PCDH15: variants seen among roughly 807,000 people sequenced by gnomAD.
PCDH15 encodes the protein protocadherin-15.
A neutral mutation model predicts 178.5 loss-of-function variants in PCDH15; 129 were observed. The observed-to-expected ratio is 0.72, with a 90% CI of 0.63 to 0.84. The LOEUF is 0.84. PCDH15 is among the 40% of genes least tolerant of loss of function. PCDH15 has a pLI of 0.00. For synonymous variants in PCDH15, 800 were observed against 732.0 expected, an observed-to-expected ratio of 1.09 and a Z score of -1.50; for missense variants, 2,230 against 2,099.9, an observed-to-expected ratio of 1.06 and a Z score of -1.21.
intron 2 of PCDH15, among the ~76,000 whole-genome samples, chr10:55,353,597 T>C (rs951628490): frequency 2.0e-5 from 3 of 152,078 alleles, no homozygotes; most frequent in Non-Finnish European, 4.4e-5. Context: ...TTAGATCTGC[T>C]TGGCCTCACA....
At chr10:54,578,784 A>G (rs943983479) in intron 2 of PCDH15, among the ~76,000 whole-genome samples, 11 of 152,142 alleles carry the variant, frequency 7.2e-5, no homozygotes, top group East Asian at 1.9e-4. Context: ...AGGGAACCCA[A>G]TCAGGCTGGC....
chr10:55,016,245 T>C (rs1840176935), intron 2 of PCDH15, among the ~76,000 whole-genome samples: 1 of 152,270 alleles, frequency 6.6e-6, no homozygotes, highest in African/African-American at 2.4e-5. Flanking sequence ...ATCTTTTCTT[T>C]GTGTTAAAAA....
intron 2 of PCDH15, among the ~76,000 whole-genome samples, chr10:54,624,009 G>T (rs937224316): frequency 6.6e-6 from 1 of 152,102 alleles, no homozygotes; most frequent in Non-Finnish European, 1.5e-5. Flanking sequence ...AAAGAACAGA[G>T]AGTACATGTT....
At chr10:54,373,865 G>A (rs1215809626) in intron 4 of PCDH15, among the ~76,000 whole-genome samples, 11 of 151,958 alleles carry the variant, frequency 7.2e-5, no homozygotes, top group Non-Finnish European at 1.0e-4. Context: ...GATAGCACTG[G>A]ATAACAGTGA....
intron 2 of PCDH15, among the ~76,000 whole-genome samples, chr10:55,339,542 G>T (rs535730755): frequency 6.6e-6 from 1 of 152,156 alleles, no homozygotes; most frequent in Admixed American, 6.5e-5. Flanking sequence ...AGATACAAAA[G>T]GTTTTTCTAT....
intron 2 of PCDH15, among the ~76,000 whole-genome samples, chr10:54,920,244 G>T (rs888795137): frequency 3.3e-5 from 5 of 152,062 alleles, no homozygotes; most frequent in Non-Finnish European, 4.4e-5. Flanking sequence ...GCCGAGGCGG[G>T]CAGATCACTA....
chr10:54,792,027 T>G (rs181173840), intron 1 of PCDH15, among the ~76,000 whole-genome samples: 1 of 151,796 alleles, frequency 6.6e-6, no homozygotes, highest in Non-Finnish European at 1.5e-5. Context: ...AAGAACAAGG[T>G]GAACTGGCTA....
intron 2 of PCDH15, among the ~76,000 whole-genome samples, chr10:55,107,723 C>T (rs1382588365): frequency 2.0e-5 from 3 of 151,728 alleles, no homozygotes; most frequent in African/African-American, 7.3e-5. Flanking sequence ...GAACTCCTGA[C>T]CTCATGATCC....
intron 2 of PCDH15, among the ~76,000 whole-genome samples, chr10:54,655,298 G>GAGAGAGAGAC (rs1565866433): frequency 4.5e-4 from 51 of 112,594 alleles, no homozygotes; most frequent in Non-Finnish European, 7.8e-4. Context: ...GAGAGAGAGA[G>GAGAGAGAGAC]AGAGACAGAG....
At chr10:54,418,364 A>C (rs1758809) in intron 3 of PCDH15, among the ~76,000 whole-genome samples, 31,232 of 151,910 alleles carry the variant, frequency 0.21, 3,997 homozygotes, top group African/African-American at 0.36. Context: ...TATAGATATT[A>C]ATATTAATTT....
At chr10:54,820,154 T>TA (rs912317407) in intron 3 of PCDH15, among the ~76,000 whole-genome samples, 99 of 152,154 alleles carry the variant, frequency 6.5e-4, no homozygotes, top group African/African-American at 2.3e-3. Flanking sequence ...CAGGGAAACT[T>TA]ACCACACCCA....
chr10:55,598,512 TAATATA>T (rs1842982628), intron 2 of PCDH15, among the ~76,000 whole-genome samples: 2 of 80,598 alleles, frequency 2.5e-5, no homozygotes, highest in Non-Finnish European at 5.0e-5. Context: ...CAGCAAACCC[TAATATA>T]TATATATATA....
chr10:54,773,235 A>T (rs777663228), intron 1 of PCDH15, among the ~76,000 whole-genome samples: 4 of 152,170 alleles, frequency 2.6e-5, no homozygotes, highest in Non-Finnish European at 5.9e-5. Flanking sequence ...TATGCTGCAC[A>T]TGTACCCCGA....
At chr10:54,318,356 T>C (rs572356901) in intron 7 of PCDH15, among the ~76,000 whole-genome samples, 24 of 152,162 alleles carry the variant, frequency 1.6e-4, no homozygotes, top group East Asian at 1.6e-3. Flanking sequence ...TCCACTGGAG[T>C]GTTTAACAGC....
At chr10:54,244,949 A>G (rs2055773646) in intron 8 of PCDH15, among the ~76,000 whole-genome samples, 1 of 152,192 alleles carries the variant, frequency 6.6e-6, no homozygotes, top group Non-Finnish European at 1.5e-5. Flanking sequence ...TTTCAATGAT[A>G]ATAATGATAT....
intron 1 of PCDH15, among the ~76,000 whole-genome samples, chr10:54,742,063 A>G (rs1156511535): frequency 6.6e-6 from 1 of 152,016 alleles, no homozygotes. Flanking sequence ...CTTTCCTCAT[A>G]ACTTTTGTCA....
chr10:53,975,715 T>C (rs780937055), intron 21 of PCDH15, among the ~76,000 whole-genome samples: 4 of 151,300 alleles, frequency 2.6e-5, no homozygotes, highest in South Asian at 2.1e-4. Context: ...TCTTATTCTA[T>C]AGGTTGTCTG....
intron 21 of PCDH15, 175 bp downstream of exon 21, chr10:53,995,474 C>T: frequency 3.5e-6 from 4 of 1,141,762 alleles, no homozygotes; most frequent in Non-Finnish European, 4.9e-6. Flanking sequence ...CAATAATAGT[C>T]ATCTGAAATA....
intron 2 of PCDH15, among the ~76,000 whole-genome samples, chr10:54,914,505 T>C (rs549179451): frequency 2.7e-5 from 4 of 145,772 alleles, no homozygotes; most frequent in Non-Finnish European, 6.3e-5. Flanking sequence ...TTCCTAATTG[T>C]TACATACAAT....
Sources: allele counts gnomAD v4.1 joint callset (sites outside exome capture counted in the v4.1 genomes callset), GRCh38; gene constraint gnomAD v4.1.1; transcripts MANE v1.5; gene names NCBI Gene and HGNC (gene_info 2026-07-23, HGNC 2026-07-21).